The following KDM4B variants were observed in gnomAD, a reference collection of about 807,000 sequenced individuals.
KDM4B encodes the protein lysine demethylase 4B.
A neutral mutation model predicts 125.2 loss-of-function variants in KDM4B; 32 were observed. That is an observed-to-expected ratio of 0.26 (90% CI 0.19 to 0.34). KDM4B has a LOEUF of 0.34. Among genes scored for constraint, KDM4B ranks in the 10% least tolerant of loss-of-function variants. KDM4B has a pLI of 1.00. For missense variants in KDM4B, 1,190 were observed against 1,577.7 expected (o/e 0.75, Z 4.16); for synonymous variants, 721 against 677.9 (o/e 1.06, Z -0.99).
Position 5,131,253 on chromosome 19 carries a change from A to G in KDM4B, c.1493A>G (p.Glu498Gly), listed in dbSNP as rs769611254. Residue 498 changes from glutamate (E) to glycine (G), a missense_variant, in exon 12 of 23, where the codon GAG becomes GGG. Glu to Gly is a moderately conservative substitution (Grantham distance 98). Transcript: ENST00000159111. Reference sequence around the variant, plus strand: ...CTGGGCCCAGGCCCTGCAGCCATGGAGGAGAGCCCCCTGCCGGCACCCCTT... The same window carrying G: ...CTGGGCCCAGGCCCTGCAGCCATGGGGGAGAGCCCCCTGCCGGCACCCCTT... Reference protein sequence around the residue: ...PVLGPGPAAMEESPLPAPLNV... With the variant: ...PVLGPGPAAMGESPLPAPLNV... 2.1e-5 allele frequency: 33 copies of G among 1,609,244 alleles called. No homozygotes were observed. Among genetic ancestry groups the G allele is most frequent in the Non-Finnish European group, 2.6e-5 (31 of 1,178,258 alleles).
intron 2 of KDM4B, among the ~76,000 whole-genome samples, chr19:5,028,002 T>C (rs1568238066): frequency 6.6e-6 from 1 of 152,138 alleles, no homozygotes; most frequent in Non-Finnish European, 1.5e-5. Flanking sequence ...AGAGACAGGG[T>C]CTTGCTCTGT....
intron 8 of KDM4B, 23 bp downstream of exon 8, chr19:5,077,493 C>T (rs772607629): frequency 1.4e-5 from 22 of 1,599,138 alleles, no homozygotes; most frequent in African/African-American, 5.4e-5. Flanking sequence ...GGGGCCTGCA[C>T]GCCTGTGGGT....
intron 1 of KDM4B, among the ~76,000 whole-genome samples, chr19:4,998,794 C>T (rs60587408): frequency 0.019 from 2,902 of 152,196 alleles, 96 homozygotes; most frequent in South Asian, 0.064. Context: ...GCGTACAGGC[C>T]GTCATTCTGT....
chr19:5,021,270 C>T, intron 2 of KDM4B, among the ~76,000 whole-genome samples: 1 of 152,052 alleles, frequency 6.6e-6, no homozygotes, highest in African/African-American at 2.4e-5. Context: ...ACCAGGAGGG[C>T]ATCTTTTGTT....
At chr19:5,119,387 C>CA (rs1428292028) in intron 10 of KDM4B, among the ~76,000 whole-genome samples, 2 of 152,170 alleles carry the variant, frequency 1.3e-5, no homozygotes, top group East Asian at 3.9e-4. Flanking sequence ...CTCCAGCTGT[C>CA]ATCAGCGTCC....
intron 1 of KDM4B, among the ~76,000 whole-genome samples, chr19:4,978,545 A>G (rs2034532357): frequency 7.0e-6 from 1 of 142,820 alleles, no homozygotes; most frequent in Non-Finnish European, 1.5e-5. Flanking sequence ...AAAGAACATA[A>G]GGCATCTCAT....
intron 9 of KDM4B, among the ~76,000 whole-genome samples, chr19:5,087,303 G>A (rs2038536596): frequency 1.3e-5 from 2 of 152,274 alleles, no homozygotes; most frequent in Non-Finnish European, 2.9e-5. Flanking sequence ...TTGCCCCTCG[G>A]GGCAGGAGGA....
intron 3 of KDM4B, among the ~76,000 whole-genome samples, chr19:5,036,219 G>A (rs887373152): frequency 6.6e-6 from 1 of 152,206 alleles, no homozygotes; most frequent in African/African-American, 2.4e-5. Context: ...GTGCGTGCAT[G>A]TATGTGTGTG....
Position 5,131,133 on chromosome 19 carries a change from G to A in KDM4B, c.1373G>A (p.Ser458Asn), listed in dbSNP as rs768246487. The A allele has an allele frequency of 1.6e-5, 24 of 1,537,790 alleles. No homozygotes were observed. Among genetic ancestry groups the A allele is most frequent in the South Asian group, 1.1e-4 (9 of 79,514 alleles). Residue 458 changes from serine (S) to asparagine (N), a missense_variant, in exon 12 of 23, where the codon AGC (serine) becomes AAC (asparagine). Transcript: ENST00000159111. ...TKAKSERKKK[S>N]FGLLPPQLPP... ...GCCAAGAGCGAGCGGAAGAAGAAGAGCTTCGGCCTGCTGCCCCCACAGCTG... is the reference window on the plus strand; with the variant it reads ...GCCAAGAGCGAGCGGAAGAAGAAGAACTTCGGCCTGCTGCCCCCACAGCTG...
intron 6 of KDM4B, among the ~76,000 whole-genome samples, chr19:5,059,261 C>T (rs904050120): frequency 1.4e-4 from 22 of 152,246 alleles, no homozygotes; most frequent in African/African-American, 4.8e-4. Context: ...AAAAATTGGG[C>T]AGCGCATGGC....
intron 10 of KDM4B, among the ~76,000 whole-genome samples, chr19:5,117,490 A>T (rs762781377): frequency 2.3e-4 from 35 of 152,102 alleles, no homozygotes; most frequent in Non-Finnish European, 4.0e-4. Flanking sequence ...TTCCCAGACC[A>T]GGAGGGCAGC....
intron 17 of KDM4B, 47 bp from the exon 18 acceptor site, chr19:5,137,915 C>T: frequency 6.7e-7 from 1 of 1,495,336 alleles, no homozygotes; most frequent in Non-Finnish European, 9.2e-7. Context: ...TGTGACCAGC[C>T]CAGGTCCTCA....
chr19:5,071,026 G>T lies in KDM4B; in HGVS notation c.643G>T (p.Glu215Ter). The stretch of plus-strand genomic sequence containing the variant: ...CTCTCGCAGGTACGCCATCCCACCA[G>T]AGCACGGCAAGCGCCTGGAGCGGCT... ...EPKSWYAIPP[E>*]HGKRLERLAI... Residue 215 changes from glutamate to a stop codon, truncating the protein, a stop_gained, in exon 7 of 23, where the codon GAG becomes TAG. Coordinates refer to ENST00000159111, the MANE Select transcript of KDM4B (RefSeq NM_015015.3). LOFTEE classifies it high-confidence loss of function. 6.2e-7 allele frequency: 1 copy of T among 1,613,522 alleles called. No homozygotes were observed. The highest frequency in any genetic ancestry group is 8.5e-7 in the Non-Finnish European group (1 of 1,179,970).
chr19:5,019,521 T>C (rs1228666918), intron 2 of KDM4B, among the ~76,000 whole-genome samples: 1 of 130,666 alleles, frequency 7.7e-6, no homozygotes, highest in Non-Finnish European at 1.6e-5. Context: ...TGGGTGTTGG[T>C]GTGCACGTAT....
Position 5,082,758 on chromosome 19 carries a change from C to T in KDM4B, c.918+254C>T, listed in dbSNP as rs571922703. The stretch of plus-strand genomic sequence containing the variant: ...GGGCCCATCTCCAGCGAGTTCCATA[C>T]ACCAGTTATCCCTCGGCCTGCGTGG... On this transcript the variant is annotated intron_variant, in intron 9 of 22. Transcript: ENST00000159111. The surrounding 1 kb of genome is among the most constrained non-coding windows in gnomAD (Gnocchi z 5.4). Among the ~76,000 whole-genome samples, 20 of 152,330 alleles carry T rather than the reference C, an allele frequency of 1.3e-4. No individual in the cohort carries two copies. In the East Asian group the frequency reaches 3.9e-3, roughly 29 times the overall value.
chr19:5,141,077 A>T lies in KDM4B; in HGVS notation c.2551-2890A>T, dbSNP rs2039733895. The T allele has an allele frequency of 6.6e-6, 1 of 152,244 alleles. No homozygotes were observed. The highest frequency in any genetic ancestry group is 2.4e-5 in the African/African-American group (1 of 41,454). 9.4% of individuals were successfully genotyped at this position (152,244 alleles called of 1,614,324 possible). A position where few individuals can be genotyped will look rare whatever the true frequency, so the allele number is the denominator to read the frequency against. On this transcript the variant is annotated intron_variant, in intron 18 of 22. Coordinates refer to ENST00000159111, the MANE Select transcript of KDM4B (RefSeq NM_015015.3). The surrounding 1 kb of genome is among the most constrained non-coding windows in gnomAD (Gnocchi z 6.4). ...AGGGTGGGACTGATGCCGGCCACAA[A>T]GCCCGGGCTCCCATGCACTGGTGCG...
At chr19:5,148,774 G>A (rs916688111) in intron 21 of KDM4B, among the ~76,000 whole-genome samples, 36 of 152,300 alleles carry the variant, frequency 2.4e-4, no homozygotes, top group African/African-American at 8.4e-4. Flanking sequence ...CCGGGGTGCT[G>A]GGGCTCCGAC....
chr19:5,090,447 TC>T (rs1340985068), intron 9 of KDM4B, among the ~76,000 whole-genome samples: 1 of 49,672 alleles, frequency 2.0e-5, no homozygotes, highest in Non-Finnish European at 3.5e-5. Context: ...CCATCTCTCT[TC>T]CCCCTCTCTC....
chr19:5,061,230 C>T (rs1171246480), intron 6 of KDM4B, among the ~76,000 whole-genome samples: 2 of 152,176 alleles, frequency 1.3e-5, no homozygotes, highest in South Asian at 4.1e-4. Flanking sequence ...TTCCTGTGGG[C>T]GGCTCTCCCC....
Sources: gnomAD v4.1 joint callset for allele counts (sites outside exome capture counted in the v4.1 genomes callset) on GRCh38, gnomAD v4.1.1 for gene constraint, Gnocchi (gnomAD v3.1) non-coding constraint, MANE v1.5 for transcripts, NCBI Gene and HGNC (gene_info 2026-07-23, HGNC 2026-07-21) for gene names.